The following CDH23 variants were observed in gnomAD, a reference collection of about 807,000 sequenced individuals.
The protein encoded by CDH23 is cadherin related 23, also known as cadherin-23.
CDH23 carries 189 observed loss-of-function variants against 317.1 expected under a neutral mutation model. The observed-to-expected ratio is 0.60, with a 90% CI of 0.53 to 0.67. CDH23 has a LOEUF of 0.67. CDH23 is among the 30% of genes least tolerant of loss of function. The probability of loss-of-function intolerance (pLI) is 0.00; values close to 1 mark genes in which losing one functional copy is unlikely to be tolerated. For missense variants in CDH23, 4,401 were observed against 4,592.4 expected (o/e 0.96, Z 1.20); for synonymous variants, 1,839 against 1,876.8 (o/e 0.98, Z 0.52).
At chr10:71,739,428 C>G (rs1294085140) in intron 35 of CDH23, among the ~76,000 whole-genome samples, 3 of 152,190 alleles carry the variant, frequency 2.0e-5, no homozygotes, top group Non-Finnish European at 4.4e-5. Context: ...TATCTCCTAG[C>G]CCCGGAACTT....
At chr10:71,803,547 A>G (rs1414509067) in intron 55 of CDH23, 127 bp downstream of exon 55, 2 of 841,834 alleles carry the variant, frequency 2.4e-6, no homozygotes, top group Non-Finnish European at 1.8e-6. Context: ...CCAGGAAAAA[A>G]AAAACTTTTT....
At chr10:71,587,611 A>G (rs1407795834) in intron 9 of CDH23, among the ~76,000 whole-genome samples, 1 of 152,212 alleles carries the variant, frequency 6.6e-6, no homozygotes, top group Non-Finnish European at 1.5e-5. Context: ...GGAAGGCTGG[A>G]CCAGGGAAAT....
intron 22 of CDH23, among the ~76,000 whole-genome samples, chr10:71,701,049 C>T (rs374060131): frequency 6.6e-6 from 1 of 152,196 alleles, no homozygotes; most frequent in Non-Finnish European, 1.5e-5. Flanking sequence ...CTCTCTCCCC[C>T]CACCACCACT....
intron 6 of CDH23, among the ~76,000 whole-genome samples, chr10:71,520,413 T>A (rs1854603805): frequency 6.6e-6 from 1 of 152,138 alleles, no homozygotes; most frequent in Non-Finnish European, 1.5e-5. Flanking sequence ...AGCCGCACAC[T>A]CTGTGGGCGA....
intron 3 of CDH23, among the ~76,000 whole-genome samples, chr10:71,476,860 G>C (rs542071350): frequency 1.5e-4 from 23 of 152,268 alleles, no homozygotes; most frequent in Admixed American, 4.6e-4. Context: ...GGCTCTTCCA[G>C]AGTGAGAACA....
At chr10:71,442,598 C>G (rs1849943849) in intron 2 of CDH23, among the ~76,000 whole-genome samples, 1 of 152,178 alleles carries the variant, frequency 6.6e-6, no homozygotes, top group South Asian at 2.1e-4. Flanking sequence ...CCCTTCTCCC[C>G]TCTGGCCTCA....
At chr10:71,714,617 A>G (rs1324141016) in intron 28 of CDH23, 1 of 152,256 alleles carries the variant, frequency 6.6e-6, no homozygotes, top group Non-Finnish European at 1.5e-5. Flanking sequence ...AGATGAGGCT[A>G]GAAAGATTAA....
chr10:71,431,890 C>T (rs937270741), intron 1 of CDH23, among the ~76,000 whole-genome samples: 16 of 152,214 alleles, frequency 1.1e-4, no homozygotes, highest in African/African-American at 3.4e-4. Context: ...GGCCCTGCCC[C>T]GGGAGTTAGG....
chr10:71,413,759 C>T (rs534375532), intron 1 of CDH23, among the ~76,000 whole-genome samples: 14 of 152,140 alleles, frequency 9.2e-5, no homozygotes, highest in African/African-American at 2.9e-4. Flanking sequence ...AGGCAAACTC[C>T]TGGGCTCAAG....
intron 3 of CDH23, among the ~76,000 whole-genome samples, chr10:71,478,280 T>A (rs1271854803): frequency 6.6e-6 from 1 of 152,248 alleles, no homozygotes; most frequent in Non-Finnish European, 1.5e-5. Flanking sequence ...CTCTTACCAC[T>A]GTATGGTTGA....
chr10:71,611,636 A>C (rs1860900758), intron 9 of CDH23, among the ~76,000 whole-genome samples: 1 of 152,214 alleles, frequency 6.6e-6, no homozygotes, highest in Non-Finnish European at 1.5e-5. Flanking sequence ...TGAGGCCCAC[A>C]TATAAGTCAC....
chr10:71,688,152 G>C (rs1402654582), intron 19 of CDH23, among the ~76,000 whole-genome samples: 1 of 152,192 alleles, frequency 6.6e-6, no homozygotes, highest in African/African-American at 2.4e-5. Flanking sequence ...GCGATTGAGA[G>C]GCTAATCTCT....
chr10:71,546,984 C>T (rs117688704), intron 6 of CDH23, among the ~76,000 whole-genome samples: 88 of 152,326 alleles, frequency 5.8e-4, no homozygotes, highest in Non-Finnish European at 1.1e-3. Flanking sequence ...GGTCAAGAGA[C>T]GGGTGGCCAG....
At chr10:71,797,246 A>T in intron 49 of CDH23, 26 bp downstream of exon 49, 1 of 1,523,216 alleles carries the variant, frequency 6.6e-7, no homozygotes, top group South Asian at 1.2e-5. Context: ...GACATCTCTC[A>T]TTGGTCACTC....
rs1022524806 is a variant in CDH23, at chr10:71,815,532, G to A, written c.*254G>A. The A allele has an allele frequency of 2.7e-5, 11 of 407,414 alleles. No homozygotes were observed. Among genetic ancestry groups the A allele is most frequent in the Non-Finnish European group, 4.4e-5 (10 of 227,754 alleles). The allele number at this position is 407,414 out of a possible 1,614,324, so 25.2% of individuals were successfully genotyped here. On this transcript the variant is annotated 3_prime_UTR_variant, in exon 70 of 70. Coordinates refer to ENST00000224721, the MANE Select transcript of CDH23 (RefSeq NM_022124.6). ...CCAAACAAAAATGTTAAGCATCTAA[G>A]GACAAGGTAAGGAGGGTCACTGGGG...
intron 3 of CDH23, among the ~76,000 whole-genome samples, chr10:71,489,531 C>A (rs746671632): frequency 9.2e-5 from 14 of 151,426 alleles, no homozygotes; most frequent in Middle Eastern, 3.2e-3. Context: ...AATATCTGAA[C>A]TATTTGAGGG....
In CDH23 at chr10:71,778,276, A is replaced by G; in HGVS notation, c.5155A>G (p.Ile1719Val). 1 of 1,613,812 alleles carries G rather than the reference A, an allele frequency of 6.2e-7. No individual in the cohort carries two copies. The highest frequency in any genetic ancestry group is 8.5e-7 in the Non-Finnish European group (1 of 1,179,862). Residue 1719 changes from isoleucine to valine, a missense_variant, in exon 40 of 70, where the codon ATC (isoleucine) becomes GTC (valine). Physicochemically the swap from Ile to Val is conservative, Grantham distance 29. This residue lies in a region of CDH23 where 3,068 missense variants were observed against 3,203.3 expected (regional missense o/e 0.96). Transcript: ENST00000224721. Reference sequence around the variant, plus strand: ...CGTCACTGCCACAGACCAGTGCCCCATCTTATCCCACCGCCTCACCTCTAC... The same window carrying G: ...CGTCACTGCCACAGACCAGTGCCCCGTCTTATCCCACCGCCTCACCTCTAC... ...LIVTATDQCP[I>V]LSHRLTSTTT...
At chr10:71,737,602 C>G (rs2132839583) in intron 34 of CDH23, 1 of 447,446 alleles carries the variant, frequency 2.2e-6, no homozygotes, top group South Asian at 1.6e-5. Flanking sequence ...CTGAACCCCA[C>G]ATGCAGGGAA....
chr10:71,520,178 C>T lies in CDH23; in HGVS notation c.429+8966C>T, dbSNP rs74145025. ...AAGTTGCCTGGAAGTCCGAGGAGCT[C>T]GACAGATGGACTCATCCCCGTGGAC... is the stretch of plus-strand genomic sequence containing the variant. On this transcript the variant is annotated intron_variant, in intron 6 of 69. Coordinates refer to ENST00000224721, the MANE Select transcript of CDH23 (RefSeq NM_022124.6). Among the ~76,000 whole-genome samples, 1,105 of 152,222 alleles carry T rather than the reference C, an allele frequency of 7.3e-3. 10 individuals carry two copies. Among genetic ancestry groups the T allele is most frequent in the African/African-American group, 0.025 (1,057 of 41,502 alleles).
Sources: allele counts gnomAD v4.1 joint callset (sites outside exome capture counted in the v4.1 genomes callset), GRCh38; gene constraint gnomAD v4.1.1; regional missense constraint gnomAD v4.1.1; transcripts MANE v1.5; gene names NCBI Gene and HGNC (gene_info 2026-07-23, HGNC 2026-07-21).